Variants in ADAMTSL1 observed in about 807,000 individuals in gnomAD.
ADAMTSL1 encodes the protein ADAMTS like 1.
A neutral mutation model predicts 201.8 loss-of-function variants in ADAMTSL1; 126 were observed. The observed-to-expected ratio is 0.62, with a 90% CI of 0.54 to 0.72. The LOEUF (loss-of-function observed/expected upper bound fraction) is 0.72. Among genes scored for constraint, ADAMTSL1 ranks in the 30% least tolerant of loss-of-function variants. ADAMTSL1 has a pLI of 0.00. For synonymous variants in ADAMTSL1, 1,121 were observed against 903.4 expected, an observed-to-expected ratio of 1.24 and a Z score of -4.32; for missense variants, 2,679 against 2,277.8, an observed-to-expected ratio of 1.18 and a Z score of -3.59.
At chr9:18,762,163 C>T (rs1820106074) in intron 16 of ADAMTSL1, among the ~76,000 whole-genome samples, 1 of 152,098 alleles carries the variant, frequency 6.6e-6, no homozygotes. Flanking sequence ...TGAATGAATT[C>T]CCTTTCCTCA....
chr9:18,160,903 G>C (rs1220542228), intron 1 of ADAMTSL1, among the ~76,000 whole-genome samples: 3 of 147,222 alleles, frequency 2.0e-5, no homozygotes, highest in African/African-American at 7.6e-5. Flanking sequence ...GCCCAGGCTG[G>C]TCTGGAATTC....
intron 9 of ADAMTSL1, among the ~76,000 whole-genome samples, chr9:18,666,921 ACAAT>A (rs1207906573): frequency 6.6e-6 from 1 of 151,838 alleles, no homozygotes; most frequent in East Asian, 1.9e-4. Flanking sequence ...ACTTTGTGAG[ACAAT>A]CAGAGAACCA....
At chr9:18,868,628 G>C (rs1827689000) in intron 23 of ADAMTSL1, among the ~76,000 whole-genome samples, 1 of 152,176 alleles carries the variant, frequency 6.6e-6, no homozygotes. Context: ...TTGAAGTTTG[G>C]AAAATATAAA....
chr9:18,770,612 C>T lies in ADAMTSL1; in HGVS notation c.2228C>T (p.Thr743Met), dbSNP rs374649653. 5.0e-6 allele frequency: 8 copies of T among 1,611,840 alleles called. No homozygotes were observed. The highest frequency in any genetic ancestry group is 1.7e-4 in the Middle Eastern group (1 of 5,944). ...TCTTTCTTTCCCCAGTGTTCCAGAA[C>T]GTGTGGCGGGGGTGTTCAGAAACGT... ...YPAQWQPCSRTCGGGVQKREV... is the reference protein window; with the variant it reads ...YPAQWQPCSRMCGGGVQKREV... Residue 743 changes from threonine to methionine, a missense_variant, in exon 17 of 29, where the codon ACG becomes ATG. Thr to Met is a moderately conservative substitution (Grantham distance 81). Coordinates refer to ENST00000380548, the MANE Select transcript of ADAMTSL1 (RefSeq NM_001040272.6).
At chr9:18,032,426 C>G (rs1037437809) in intron 1 of ADAMTSL1, among the ~76,000 whole-genome samples, 22 of 152,136 alleles carry the variant, frequency 1.4e-4, no homozygotes, top group African/African-American at 5.1e-4. Context: ...AGGCTATTGG[C>G]AAAACATCCG....
rs1827432080 is a variant in ADAMTSL1, at chr9:18,162,388, G to GT, written c.88-1473dup. ...TAATCCAGGTTACTAACCCTAATTA[G>GT]TAGTCTTAATTACATCTGCAAAGTC... On this transcript the variant is annotated intron_variant, in intron 1 of 29. Coordinates refer to the ADAMTSL1 transcript ENST00000680146. Among the ~76,000 whole-genome samples, 5 of 152,098 alleles carry GT rather than the reference G, an allele frequency of 3.3e-5. No homozygotes were observed. The South Asian group carries it at 1.0e-3, about 32-fold the overall frequency.
chr9:18,663,734 A>G (rs1309957181), intron 9 of ADAMTSL1, among the ~76,000 whole-genome samples: 1 of 150,150 alleles, frequency 6.7e-6, no homozygotes, highest in South Asian at 2.1e-4. Flanking sequence ...AAAAAATGTC[A>G]ATCAAGAGAT....
intron 4 of ADAMTSL1, among the ~76,000 whole-genome samples, chr9:18,591,510 A>G (rs1823912565): frequency 6.6e-6 from 1 of 152,136 alleles, no homozygotes; most frequent in Non-Finnish European, 1.5e-5. Context: ...TAGCCCATTT[A>G]CATTTAATGT....
intron 1 of ADAMTSL1, among the ~76,000 whole-genome samples, chr9:18,023,972 T>C (rs1327728525): frequency 6.6e-6 from 1 of 152,136 alleles, no homozygotes; most frequent in African/African-American, 2.4e-5. Context: ...TAAAGTACTT[T>C]TCTTTTATAG....
intron 26 of ADAMTSL1, among the ~76,000 whole-genome samples, chr9:18,902,798 G>A (rs1830083905): frequency 6.6e-6 from 1 of 152,028 alleles, no homozygotes; most frequent in Non-Finnish European, 1.5e-5. Context: ...TCTTCAAAAA[G>A]ACTAACCAAA....
intron 1 of ADAMTSL1, among the ~76,000 whole-genome samples, chr9:18,077,807 G>T (rs1232268699): frequency 6.6e-6 from 1 of 152,206 alleles, no homozygotes; most frequent in Non-Finnish European, 1.5e-5. Flanking sequence ...GTTGAGGCAG[G>T]AGAAGGGGCT....
intron 2 of ADAMTSL1, among the ~76,000 whole-genome samples, chr9:18,208,348 C>G (rs368743835): frequency 1.4e-4 from 21 of 152,204 alleles, no homozygotes; most frequent in African/African-American, 3.6e-4. Flanking sequence ...AACTTTCTGA[C>G]CCCTGGTGGC....
intron 1 of ADAMTSL1, among the ~76,000 whole-genome samples, chr9:18,084,885 A>T (rs1347869518): frequency 1.2e-4 from 19 of 152,236 alleles, no homozygotes; most frequent in Admixed American, 1.2e-3. Context: ...ACTGCTAAGC[A>T]TTAGGGATAA....
At chr9:18,743,915 G>A (rs1264700301) in intron 15 of ADAMTSL1, among the ~76,000 whole-genome samples, 2 of 152,158 alleles carry the variant, frequency 1.3e-5, no homozygotes, top group African/African-American at 4.8e-5. Context: ...TTCTGACTTT[G>A]TCTATTTCCC....
chr9:17,970,905 A>G (rs1407197929), intron 1 of ADAMTSL1, among the ~76,000 whole-genome samples: 1 of 152,092 alleles, frequency 6.6e-6, no homozygotes, highest in Non-Finnish European at 1.5e-5. Context: ...ACCTTGGAGC[A>G]CAGAAAAAGA....
At chr9:18,007,835 T>C (rs1819894245) in intron 1 of ADAMTSL1, among the ~76,000 whole-genome samples, 1 of 152,010 alleles carries the variant, frequency 6.6e-6, no homozygotes, top group Non-Finnish European at 1.5e-5. Flanking sequence ...ATTTACATGG[T>C]ACTTCTTTCA....
At chr9:18,122,544 G>C (rs1448833549) in intron 1 of ADAMTSL1, among the ~76,000 whole-genome samples, 1 of 152,126 alleles carries the variant, frequency 6.6e-6, no homozygotes, top group Non-Finnish European at 1.5e-5. Context: ...GATTCTACTA[G>C]TGTGATTTAT....
chr9:18,197,631 A>C (rs986077415), intron 2 of ADAMTSL1, among the ~76,000 whole-genome samples: 9 of 148,558 alleles, frequency 6.1e-5, no homozygotes, highest in African/African-American at 2.2e-4. Context: ...GCAAACAGGG[A>C]CAATTTGACT....
chr9:18,575,447 A>G (rs1054206445), intron 4 of ADAMTSL1, among the ~76,000 whole-genome samples: 3 of 152,210 alleles, frequency 2.0e-5, no homozygotes, highest in Non-Finnish European at 4.4e-5. Flanking sequence ...TTTTAAAGCT[A>G]GAAAGGGCCT....
Sources: allele counts gnomAD v4.1 joint callset (sites outside exome capture counted in the v4.1 genomes callset), GRCh38; gene constraint gnomAD v4.1.1; transcripts MANE v1.5; gene names NCBI Gene and HGNC (gene_info 2026-07-23, HGNC 2026-07-21).